CAST: variants seen among roughly 807,000 people sequenced by gnomAD.
CAST encodes the protein calpastatin.
In CAST, 76 loss-of-function variants were observed where a neutral mutation model predicts 119.6. The observed-to-expected ratio is 0.64, with a 90% CI of 0.53 to 0.77. The LOEUF (loss-of-function observed/expected upper bound fraction) is 0.77, where lower values mean the gene tolerates loss of function less well. Among genes scored for constraint, CAST ranks in the 30% least tolerant of loss-of-function variants. The pLI, the probability that CAST is intolerant of heterozygous loss-of-function variation, is 0.00. For missense variants in CAST, 953 were observed against 946.5 expected (o/e 1.01, Z -0.09); for synonymous variants, 319 against 331.6 (o/e 0.96, Z 0.41).
At chr5:96,048,347 T>C in the CAST span, among the ~76,000 whole-genome samples, 1 of 152,158 alleles carries the variant, frequency 6.6e-6, no homozygotes, top group Admixed American at 6.5e-5. Flanking sequence ...ATAGCTTTGA[T>C]GAGAAGAGTG....
chr5:96,167,189 C>T, the CAST span, among the ~76,000 whole-genome samples: 1 of 152,160 alleles, frequency 6.6e-6, no homozygotes, highest in Non-Finnish European at 1.5e-5. Flanking sequence ...TTCAGCATAG[C>T]CCTGCCAGCA....
At chr5:96,651,036 T>C (rs1020072130) in intron 1 of CAST, among the ~76,000 whole-genome samples, 29 of 152,200 alleles carry the variant, frequency 1.9e-4, no homozygotes, top group African/African-American at 6.5e-4. Context: ...GGGTAGATAT[T>C]TTCTTTCCAA....
the CAST span, among the ~76,000 whole-genome samples, chr5:96,519,700 G>A: frequency 4.6e-5 from 7 of 152,056 alleles, no homozygotes; most frequent in East Asian, 1.9e-4. Context: ...TACATCTCCC[G>A]GGTTCAAGCG....
chr5:96,465,888 T>C, the CAST span, among the ~76,000 whole-genome samples: 115 of 152,240 alleles, frequency 7.6e-4, 1 homozygote, highest in South Asian at 0.012. Flanking sequence ...TATATGTACA[T>C]AGATCTATAT....
the CAST span, among the ~76,000 whole-genome samples, chr5:96,178,997 T>C: frequency 6.6e-6 from 1 of 152,202 alleles, no homozygotes. Context: ...CTCTTGACTC[T>C]CTTTTGCCCT....
the CAST span, among the ~76,000 whole-genome samples, chr5:96,468,714 A>T: frequency 6.6e-6 from 1 of 152,096 alleles, no homozygotes; most frequent in Non-Finnish European, 1.5e-5. Flanking sequence ...TCATAAAGAA[A>T]ATTAGGAGTG....
the CAST span, among the ~76,000 whole-genome samples, chr5:96,429,050 C>G: frequency 3.1e-3 from 472 of 151,866 alleles, 1 homozygote; most frequent in African/African-American, 0.011. Context: ...TTATTATGTG[C>G]CATTATAATT....
intron 4 of CAST, among the ~76,000 whole-genome samples, chr5:96,723,773 A>G (rs1030126793): frequency 3.3e-5 from 5 of 152,202 alleles, no homozygotes; most frequent in African/African-American, 1.2e-4. Context: ...GTGTGCCAAT[A>G]TTCTTTAATA....
At chr5:96,662,320 GCTCCCTCCCTCC>G, upstream of CAST, 1 of 818,872 alleles carries the variant, frequency 1.2e-6, no homozygotes, top group South Asian at 3.1e-5. Context: ...CGGGCCCTCC[GCTCCCTCCCTCC>G]CTCCCTCTCT....
chr5:96,465,511 C>CT, the CAST span, among the ~76,000 whole-genome samples: 3 of 152,076 alleles, frequency 2.0e-5, no homozygotes, highest in Non-Finnish European at 2.9e-5. Context: ...TCGCCAAATT[C>CT]TTTTTTTAGC....
intron 1 of CAST, among the ~76,000 whole-genome samples, chr5:96,599,976 A>AAAAAAAAAAAAAG (rs1561426830): frequency 3.0e-5 from 4 of 132,900 alleles, no homozygotes; most frequent in Non-Finnish European, 5.0e-5. Context: ...CAAAAAAAAA[A>AAAAAAAAAAAAAG]AAAAAAACCC....
chr5:96,458,466 G>GT, the CAST span, among the ~76,000 whole-genome samples: 1 of 152,128 alleles, frequency 6.6e-6, no homozygotes, highest in Non-Finnish European at 1.5e-5. Flanking sequence ...TAAACACATA[G>GT]TTGCCAACTT....
chr5:96,410,430 C>A, the CAST span, among the ~76,000 whole-genome samples: 1 of 151,882 alleles, frequency 6.6e-6, no homozygotes, highest in Non-Finnish European at 1.5e-5. Flanking sequence ...GTGATAAAGC[C>A]CCTACAACCC....
the CAST span, among the ~76,000 whole-genome samples, chr5:96,445,146 T>C: frequency 6.6e-6 from 1 of 152,206 alleles, no homozygotes; most frequent in Non-Finnish European, 1.5e-5. Context: ...GTTCCGTGTT[T>C]CAGTGTGAAG....
chr5:96,687,434 AGTT>A (rs545243389), intron 2 of CAST, among the ~76,000 whole-genome samples: 75 of 152,264 alleles, frequency 4.9e-4, no homozygotes, highest in Non-Finnish European at 9.4e-4. Context: ...GTTCTCTGCC[AGTT>A]GTTTATTGAT....
At chr5:96,518,796 T>C in the CAST span, among the ~76,000 whole-genome samples, 1 of 152,038 alleles carries the variant, frequency 6.6e-6, no homozygotes. Flanking sequence ...GGGTGGATCA[T>C]GGGGTCAGGA....
chr5:96,220,690 G>A, the CAST span, among the ~76,000 whole-genome samples: 5 of 152,170 alleles, frequency 3.3e-5, no homozygotes, highest in South Asian at 2.1e-4. Flanking sequence ...TATTTGTGAC[G>A]AGTAAGTGAC....
At chr5:96,508,453 A>G in the CAST span, among the ~76,000 whole-genome samples, 1 of 152,178 alleles carries the variant, frequency 6.6e-6, no homozygotes, top group Non-Finnish European at 1.5e-5. Context: ...TGCAGTCACC[A>G]TGCATGCAAC....
At chr5:96,442,571 C>T in the CAST span, among the ~76,000 whole-genome samples, 56 of 152,328 alleles carry the variant, frequency 3.7e-4, no homozygotes, top group African/African-American at 1.3e-3. Context: ...TAATGCCCAA[C>T]GTATTGTAGG....
Sources: allele counts gnomAD v4.1 joint callset (sites outside exome capture counted in the v4.1 genomes callset), GRCh38; gene constraint gnomAD v4.1.1; transcripts MANE v1.5; gene names NCBI Gene and HGNC (gene_info 2026-07-23, HGNC 2026-07-21).